KIAA1549L: variants seen among roughly 807,000 people sequenced by gnomAD.
KIAA1549L encodes the protein UPF0606 protein KIAA1549L.
In KIAA1549L, 88 loss-of-function variants were observed where a neutral mutation model predicts 160.7. The ratio of observed to expected loss-of-function variants is 0.55; its 90% CI spans 0.46 to 0.65. The LOEUF (loss-of-function observed/expected upper bound fraction) is 0.65, where lower values mean the gene tolerates loss of function less well. KIAA1549L is among the 30% of genes least tolerant of loss of function. The probability of loss-of-function intolerance (pLI) is 0.00; values close to 1 mark genes in which losing one functional copy is unlikely to be tolerated. For missense variants in KIAA1549L, 2,258 were observed against 2,437.5 expected (o/e 0.93, Z 1.55); for synonymous variants, 950 against 976.7 (o/e 0.97, Z 0.51).
chr11:33,631,330 A>T (rs866744172), intron 16 of KIAA1549L, among the ~76,000 whole-genome samples: 9 of 151,958 alleles, frequency 5.9e-5, no homozygotes, highest in African/African-American at 1.9e-4. Flanking sequence ...ACCTTCCCCA[A>T]ACTTGTCCTG....
At chr11:33,547,447 T>A (rs1044117979) in intron 3 of KIAA1549L, among the ~76,000 whole-genome samples, 4 of 152,160 alleles carry the variant, frequency 2.6e-5, no homozygotes, top group Non-Finnish European at 2.9e-5. Flanking sequence ...TGTCCATGAA[T>A]GTTGTTGCAG....
At chr11:33,447,166 C>T (rs1044761936) in intron 1 of KIAA1549L, among the ~76,000 whole-genome samples, 1 of 152,082 alleles carries the variant, frequency 6.6e-6, no homozygotes, top group African/African-American at 2.4e-5. Flanking sequence ...GGAGAGTGTT[C>T]AGGGCAGAAG....
chr11:33,481,515 G>A (rs2133048715), intron 1 of KIAA1549L, among the ~76,000 whole-genome samples: 1 of 152,236 alleles, frequency 6.6e-6, no homozygotes, highest in Middle Eastern at 3.4e-3. Context: ...ATTTAAGTTG[G>A]CATTTAACAG....
At chr11:33,596,308 T>G (rs1425626000) in intron 12 of KIAA1549L, among the ~76,000 whole-genome samples, 1 of 152,216 alleles carries the variant, frequency 6.6e-6, no homozygotes, top group Non-Finnish European at 1.5e-5. Context: ...AATGTGTCTA[T>G]AAACAGAAGC....
chr11:33,456,342 A>G (rs184618936), intron 1 of KIAA1549L, among the ~76,000 whole-genome samples: 105 of 152,290 alleles, frequency 6.9e-4, no homozygotes, highest in African/African-American at 2.4e-3. Context: ...AGTTAATGGA[A>G]GTATGATTGG....
chr11:33,659,367 C>G, intron 19 of KIAA1549L, among the ~76,000 whole-genome samples: 1 of 152,268 alleles, frequency 6.6e-6, no homozygotes, highest in South Asian at 2.1e-4. Context: ...TTTGTACTTT[C>G]TCTATTTAAC....
chr11:33,566,607 A>G (rs1855056108), intron 8 of KIAA1549L, among the ~76,000 whole-genome samples: 1 of 152,246 alleles, frequency 6.6e-6, no homozygotes, highest in Non-Finnish European at 1.5e-5. Flanking sequence ...ATGGCTTCAA[A>G]GAAGTAATTT....
chr11:33,609,425 A>C (rs1406575018), intron 14 of KIAA1549L, among the ~76,000 whole-genome samples: 1 of 152,248 alleles, frequency 6.6e-6, no homozygotes, highest in Non-Finnish European at 1.5e-5. Context: ...AGGAACCAAA[A>C]GGGTATAGGC....
At chr11:33,502,147 A>G (rs1852965040) in intron 1 of KIAA1549L, among the ~76,000 whole-genome samples, 1 of 152,086 alleles carries the variant, frequency 6.6e-6, no homozygotes, top group Non-Finnish European at 1.5e-5. Context: ...ATCAATCTTC[A>G]TTTTCCCCTC....
chr11:33,639,950 A>G (rs1461476240), intron 16 of KIAA1549L, among the ~76,000 whole-genome samples: 1 of 151,964 alleles, frequency 6.6e-6, no homozygotes, highest in Non-Finnish European at 1.5e-5. Context: ...TAGCCTAAAA[A>G]CTCCATTTAT....
In KIAA1549L at chr11:33,545,101, G is replaced by A. The variant is rs779573604; in HGVS notation, c.3108G>A (p.Leu1036=). ...ACATGGACACTGCCTCTGGCCTGTT[G>A]TCTACAACTTACCTCCCCAGGAAAC... is the stretch of plus-strand genomic sequence containing the variant. The part of the protein sequence containing the change: ...QGNMDTASGL[L]STTYLPRKPQ... Residue 1036 remains leucine, a synonymous_variant, in exon 3 of 21, where the codon TTG becomes TTA. Transcript: ENST00000658780. 2 of 1,613,994 alleles carry A rather than the reference G, an allele frequency of 1.2e-6. No homozygotes were observed. Among genetic ancestry groups the A allele is most frequent in the African/African-American group, 1.3e-5 (1 of 75,032 alleles).
At chr11:33,461,170 CA>C (rs34264580) in intron 1 of KIAA1549L, among the ~76,000 whole-genome samples, 1,683 of 148,640 alleles carry the variant, frequency 0.011, 43 homozygotes, top group African/African-American at 0.039. Context: ...TTCTTTGTAA[CA>C]AAAAAAAATA....
chr11:33,432,657 G>A lies in KIAA1549L; in HGVS notation c.238+55768G>A, dbSNP rs530471478. 3.9e-5 allele frequency among the ~76,000 whole-genome samples: 6 copies of A among 152,274 alleles called. No individual in the cohort carries two copies. The South Asian group carries it at 1.0e-3, about 26-fold the overall frequency. ...TCTAAGCAAAAAGAACAAAGCTGGA[G>A]GCATCATGCTACCTGACTTCAAACT... On this transcript the variant is annotated intron_variant, in intron 1 of 20. Coordinates refer to ENST00000658780, the MANE Select transcript of KIAA1549L (RefSeq NM_012194.3).
chr11:33,377,899 A>G (rs1849989115), intron 1 of KIAA1549L, among the ~76,000 whole-genome samples: 1 of 152,332 alleles, frequency 6.6e-6, no homozygotes, highest in African/African-American at 2.4e-5. Flanking sequence ...AGCTTAATTC[A>G]GAGCCCATTT....
At chr11:33,619,937 C>T (rs774352241) in intron 16 of KIAA1549L, among the ~76,000 whole-genome samples, 4 of 152,186 alleles carry the variant, frequency 2.6e-5, no homozygotes, top group Non-Finnish European at 4.4e-5. Context: ...CCTTCTTCCT[C>T]GATGCTTATT....
At chr11:33,524,448 C>T (rs1853566677) in intron 1 of KIAA1549L, among the ~76,000 whole-genome samples, 1 of 151,950 alleles carries the variant, frequency 6.6e-6, no homozygotes, top group South Asian at 2.1e-4. Flanking sequence ...TGCTACTATT[C>T]TTTGTGTTAT....
intron 1 of KIAA1549L, among the ~76,000 whole-genome samples, chr11:33,398,794 C>A (rs1027017814): frequency 6.6e-6 from 1 of 152,158 alleles, no homozygotes; most frequent in Admixed American, 6.5e-5. Context: ...CATAATTCAT[C>A]ACAATCTCTG....
chr11:33,620,278 G>A (rs1275994957), intron 16 of KIAA1549L, among the ~76,000 whole-genome samples: 1 of 152,182 alleles, frequency 6.6e-6, no homozygotes, highest in African/African-American at 2.4e-5. Flanking sequence ...CCAAGTACAT[G>A]TTACTTTAGG....
chr11:33,575,219 C>T (rs1363731154), intron 10 of KIAA1549L, among the ~76,000 whole-genome samples: 2 of 152,196 alleles, frequency 1.3e-5, no homozygotes, highest in Non-Finnish European at 2.9e-5. Flanking sequence ...TAAAGTTCTA[C>T]ATGAAGTCGC....
Sources: allele counts gnomAD v4.1 joint callset (sites outside exome capture counted in the v4.1 genomes callset), GRCh38; gene constraint gnomAD v4.1.1; transcripts MANE v1.5; gene names NCBI Gene and HGNC (gene_info 2026-07-23, HGNC 2026-07-21).